The following THRB variants were observed in gnomAD, a reference collection of about 807,000 sequenced individuals.
THRB encodes the protein nuclear receptor subfamily 1 group A member 2.
In THRB, 12 loss-of-function variants were observed where a neutral mutation model predicts 47.8. The observed-to-expected ratio is 0.25, with a 90% confidence interval of 0.16 to 0.41. The LOEUF (loss-of-function observed/expected upper bound fraction) is 0.41. Ranked by LOEUF, THRB falls within the 10% of genes least tolerant of loss-of-function variation. The probability of loss-of-function intolerance (pLI) is 1.00; values close to 1 mark genes in which losing one functional copy is unlikely to be tolerated. For synonymous variants in THRB, 218 were observed against 212.2 expected, an observed-to-expected ratio of 1.03 and a Z score of -0.24; for missense variants, 348 against 589.2, an observed-to-expected ratio of 0.59 and a Z score of 4.24.
chr3:24,223,831 A>C (rs954097812), intron 4 of THRB, among the ~76,000 whole-genome samples: 2 of 152,172 alleles, frequency 1.3e-5, no homozygotes, highest in East Asian at 3.8e-4. Flanking sequence ...CCACAATAGA[A>C]AAGTTAAACA....
chr3:24,243,916 C>G (rs544337676), intron 3 of THRB, among the ~76,000 whole-genome samples: 2 of 151,778 alleles, frequency 1.3e-5, no homozygotes, highest in Admixed American at 1.3e-4. Context: ...GGAAGGGAGG[C>G]CCAGTGACAC....
intron 2 of THRB, among the ~76,000 whole-genome samples, chr3:24,330,236 A>G (rs112637494): frequency 0.12 from 18,087 of 151,966 alleles, 1,152 homozygotes; most frequent in East Asian, 0.28. Flanking sequence ...GAACCCGGGA[A>G]GCGGAGCTTG....
intron 3 of THRB, among the ~76,000 whole-genome samples, chr3:24,282,713 GAACA>G (rs748657227): frequency 1.3e-5 from 2 of 149,210 alleles, no homozygotes; most frequent in Non-Finnish European, 2.9e-5. Flanking sequence ...AAAAAAGAGA[GAACA>G]ATCAAATAGA....
chr3:24,413,155 T>C (rs1340752971), intron 1 of THRB, among the ~76,000 whole-genome samples: 1 of 151,906 alleles, frequency 6.6e-6, no homozygotes, highest in African/African-American at 2.4e-5. Flanking sequence ...TACTGCAATA[T>C]TATTTTAAAT....
intron 3 of THRB, among the ~76,000 whole-genome samples, chr3:24,260,591 CT>C (rs1222785028): frequency 6.6e-6 from 1 of 152,180 alleles, no homozygotes; most frequent in East Asian, 1.9e-4. Context: ...CACAATCATA[CT>C]GATGGGCTCT....
At chr3:24,209,892 C>G (rs983638234) in intron 4 of THRB, among the ~76,000 whole-genome samples, 3 of 152,060 alleles carry the variant, frequency 2.0e-5, no homozygotes, top group African/African-American at 7.2e-5. Flanking sequence ...TAATGAAAGT[C>G]TGGCCTGAGA....
intron 10 of THRB, 101 bp from the exon 11 acceptor site, chr3:24,123,226 G>C (rs2032028379): frequency 6.5e-7 from 1 of 1,547,968 alleles, no homozygotes; most frequent in Non-Finnish European, 8.8e-7. Context: ...CAGATCTAGG[G>C]TCTTCCCTCT....
chr3:24,272,219 A>G (rs1398323704), intron 3 of THRB, among the ~76,000 whole-genome samples: 1 of 152,050 alleles, frequency 6.6e-6, no homozygotes, highest in Non-Finnish European at 1.5e-5. Flanking sequence ...GGTGGCCCGC[A>G]CTTGTGGTCT....
chr3:24,161,617 A>AACACAC (rs58600238), intron 5 of THRB, among the ~76,000 whole-genome samples: 10,066 of 141,050 alleles, frequency 0.071, 476 homozygotes, highest in East Asian at 0.18. Context: ...AGAGCTACAG[A>AACACAC]ACACACACAC....
intron 2 of THRB, among the ~76,000 whole-genome samples, chr3:24,335,989 G>A (rs1186227380): frequency 1.3e-5 from 2 of 152,154 alleles, no homozygotes; most frequent in African/African-American, 2.4e-5. Flanking sequence ...CAGAACAGCT[G>A]TCCTTTTCCA....
At chr3:24,277,595 A>C (rs1299469852) in intron 3 of THRB, among the ~76,000 whole-genome samples, 3 of 152,152 alleles carry the variant, frequency 2.0e-5, no homozygotes, top group Non-Finnish European at 4.4e-5. Context: ...TCTCAAATCT[A>C]AAATCTATGA....
rs866941834 is a variant in THRB at position 24,180,815 on chromosome 3, G to A, written c.283+9259C>T. On this transcript the variant is annotated intron_variant, in intron 5 of 10. Transcript: ENST00000646209. ...AGCACAGGTGATACGGTTCCCCCAT[G>A]TATGTGCTTCCTAGACTGCAATGCC... 2.6e-5 allele frequency among the ~76,000 whole-genome samples: 4 copies of A among 152,312 alleles called. No homozygotes were observed. In the Middle Eastern group the frequency reaches 0.01, roughly 389 times the overall value.
At chr3:24,133,273 A>T (rs370177383) in intron 9 of THRB, 43 bp downstream of exon 9, 102 of 1,606,652 alleles carry the variant, frequency 6.3e-5, no homozygotes, top group Admixed American at 2.0e-4. Flanking sequence ...AACTGATGAA[A>T]CTATAATTAA....
chr3:24,158,419 A>C (rs961016250), intron 5 of THRB, among the ~76,000 whole-genome samples: 2 of 117,668 alleles, frequency 1.7e-5, no homozygotes, highest in Non-Finnish European at 3.3e-5. Context: ...AAAAATGATA[A>C]CTTTTTTTTT....
intron 3 of THRB, among the ~76,000 whole-genome samples, chr3:24,269,806 A>G (rs1304686725): frequency 1.3e-5 from 2 of 152,114 alleles, no homozygotes; most frequent in African/African-American, 4.8e-5. Context: ...CACCTTGACA[A>G]GTATTTTGAG....
At chr3:24,323,505 T>C (rs530008488) in intron 2 of THRB, among the ~76,000 whole-genome samples, 33 of 152,362 alleles carry the variant, frequency 2.2e-4, no homozygotes, top group Non-Finnish European at 3.7e-4. Context: ...AGATTCTGAT[T>C]CATTAGATCT....
intron 3 of THRB, among the ~76,000 whole-genome samples, chr3:24,256,558 G>A (rs1463895699): frequency 6.6e-6 from 1 of 151,968 alleles, no homozygotes; most frequent in African/African-American, 2.4e-5. Context: ...TTTGAGAGAG[G>A]GAAAAAGATA....
chr3:24,220,190 T>C (rs2047011530), intron 4 of THRB, among the ~76,000 whole-genome samples: 1 of 152,090 alleles, frequency 6.6e-6, no homozygotes, highest in South Asian at 2.1e-4. Flanking sequence ...ACATCAGGAC[T>C]TTAAAAAGCT....
intron 1 of THRB, among the ~76,000 whole-genome samples, 195 bp from the exon 2 acceptor site, chr3:24,337,566 C>A (rs2062341008): frequency 6.6e-6 from 1 of 152,184 alleles, no homozygotes; most frequent in African/African-American, 2.4e-5. Flanking sequence ...GGGAAAGGGA[C>A]TCTAACACAA....
Sources: allele counts gnomAD v4.1 joint callset (sites outside exome capture counted in the v4.1 genomes callset), GRCh38; gene constraint gnomAD v4.1.1; transcripts MANE v1.5; gene names NCBI Gene and HGNC (gene_info 2026-07-23, HGNC 2026-07-21).